Variants in NRXN3 observed in about 807,000 individuals in gnomAD.
The protein encoded by NRXN3 is neurexin III.
A neutral mutation model predicts 137.6 loss-of-function variants in NRXN3; 32 were observed. The observed-to-expected ratio is 0.23, with a 90% CI of 0.18 to 0.31. The LOEUF (loss-of-function observed/expected upper bound fraction) is 0.31, where lower values mean the gene tolerates loss of function less well. Ranked by LOEUF, NRXN3 falls within the 10% of genes least tolerant of loss-of-function variation. NRXN3 has a pLI of 1.00. For synonymous variants in NRXN3, 798 were observed against 784.5 expected, an observed-to-expected ratio of 1.02 and a Z score of -0.29; for missense variants, 1,574 against 2,062.5, an observed-to-expected ratio of 0.76 and a Z score of 4.59.
chr14:79,341,559 G>A (rs1026400373), intron 15 of NRXN3, among the ~76,000 whole-genome samples: 7 of 152,140 alleles, frequency 4.6e-5, no homozygotes, highest in Non-Finnish European at 1.0e-4. Flanking sequence ...TAAAGTTTCA[G>A]GAGCTCTGCT....
intron 4 of NRXN3, among the ~76,000 whole-genome samples, chr14:78,492,197 G>A (rs2095681419): frequency 6.6e-6 from 1 of 152,174 alleles, no homozygotes; most frequent in Non-Finnish European, 1.5e-5. Context: ...TTACTTTCCA[G>A]TTATCCAAGG....
At chr14:78,279,684 T>G (rs898113185) in intron 3 of NRXN3, 2 of 152,196 alleles carry the variant, frequency 1.3e-5, no homozygotes, top group Non-Finnish European at 2.9e-5. Flanking sequence ...CTTCTGACTC[T>G]CCATTGGAAC....
At chr14:79,439,538 A>G (rs919523039) in intron 15 of NRXN3, among the ~76,000 whole-genome samples, 5 of 152,112 alleles carry the variant, frequency 3.3e-5, no homozygotes, top group Non-Finnish European at 7.4e-5. Flanking sequence ...GAAAATCAAA[A>G]CCAAAAGGTA....
intron 19 of NRXN3, among the ~76,000 whole-genome samples, chr14:79,708,274 T>G (rs1158568617): frequency 3.3e-5 from 5 of 152,196 alleles, no homozygotes; most frequent in Non-Finnish European, 5.9e-5. Context: ...ACATTGTAAG[T>G]AACCTAGAGA....
At chr14:78,630,597 C>CTTTTTTTTTTTTT (rs370862037) in intron 4 of NRXN3, among the ~76,000 whole-genome samples, 27 of 127,784 alleles carry the variant, frequency 2.1e-4, no homozygotes, top group African/African-American at 2.6e-4. Flanking sequence ...TTCTTTCTTT[C>CTTTTTTTTTTTTT]TTTTTTTTTT....
chr14:78,457,698 G>A (rs937660187), intron 4 of NRXN3, among the ~76,000 whole-genome samples: 4 of 152,244 alleles, frequency 2.6e-5, no homozygotes, highest in African/African-American at 9.6e-5. Context: ...TTATATATAT[G>A]TATATGGTGT....
intron 15 of NRXN3, among the ~76,000 whole-genome samples, chr14:79,419,952 G>C (rs957392499): frequency 2.6e-5 from 4 of 152,114 alleles, no homozygotes; most frequent in Non-Finnish European, 5.9e-5. Flanking sequence ...GGCAGGACAT[G>C]ACAACTGTCA....
At chr14:78,609,952 A>G (rs2097285797) in intron 4 of NRXN3, among the ~76,000 whole-genome samples, 1 of 151,972 alleles carries the variant, frequency 6.6e-6, no homozygotes, top group Admixed American at 6.6e-5. Flanking sequence ...GGGATCCTTG[A>G]AGAAGTGAAT....
intron 16 of NRXN3, among the ~76,000 whole-genome samples, chr14:79,651,893 C>G (rs767752054): frequency 2.0e-5 from 3 of 152,178 alleles, no homozygotes; most frequent in Non-Finnish European, 4.4e-5. Context: ...GACTCTAGAT[C>G]TTTCTGACAT....
At chr14:78,403,852 G>A (rs1054437488) in intron 4 of NRXN3, 3 of 985,168 alleles carry the variant, frequency 3.0e-6, no homozygotes, top group East Asian at 2.3e-4. Flanking sequence ...TTCCATTCCT[G>A]CAGTGAAATT....
intron 15 of NRXN3, among the ~76,000 whole-genome samples, chr14:79,103,184 G>A (rs1436189370): frequency 2.0e-5 from 3 of 152,146 alleles, no homozygotes; most frequent in Non-Finnish European, 4.4e-5. Context: ...CAATGGGTTG[G>A]CCCAGGTGGA....
chr14:79,547,335 G>GAATA (rs1331082270), intron 16 of NRXN3, among the ~76,000 whole-genome samples: 2 of 152,116 alleles, frequency 1.3e-5, no homozygotes, highest in Non-Finnish European at 2.9e-5. Flanking sequence ...AAAATGAAGA[G>GAATA]AATACATTGT....
intron 15 of NRXN3, among the ~76,000 whole-genome samples, chr14:79,170,676 C>T (rs1256224243): frequency 1.3e-5 from 2 of 152,060 alleles, no homozygotes; most frequent in East Asian, 3.9e-4. Flanking sequence ...TCGACTTTTC[C>T]CTGCTCTAGA....
intron 10 of NRXN3, among the ~76,000 whole-genome samples, chr14:78,889,283 G>A (rs1435057409): frequency 1.3e-5 from 2 of 151,824 alleles, no homozygotes; most frequent in African/African-American, 4.8e-5. Context: ...CTCTTCACTG[G>A]GGAAATGTCT....
Position 79,284,081 on chromosome 14 carries a change from G to A in NRXN3, c.3263-183140G>A, listed in dbSNP as rs113502453. Among the ~76,000 whole-genome samples the A allele has an allele frequency of 5.9e-5, 9 of 151,828 alleles. No individual in the cohort carries two copies. In the South Asian group the frequency reaches 6.3e-4, roughly 11 times the overall value. Reference sequence around the variant, plus strand: ...TTTTATCAAAGTGCAAGGTAGTTTAGTGATTACAGATATATAAATAGTAAA... The same window carrying A: ...TTTTATCAAAGTGCAAGGTAGTTTAATGATTACAGATATATAAATAGTAAA... On this transcript the variant is annotated intron_variant, in intron 15 of 20. Coordinates refer to ENST00000335750, the MANE Select transcript of NRXN3 (RefSeq NM_001330195.2).
intron 15 of NRXN3, among the ~76,000 whole-genome samples, chr14:79,206,728 T>A (rs933074847): frequency 6.6e-6 from 1 of 152,212 alleles, no homozygotes; most frequent in Non-Finnish European, 1.5e-5. Flanking sequence ...TGTCTCTTTT[T>A]TAGAATTTTT....
intron 4 of NRXN3, among the ~76,000 whole-genome samples, chr14:78,566,418 A>G (rs2096836564): frequency 6.6e-6 from 1 of 151,564 alleles, no homozygotes; most frequent in Non-Finnish European, 1.5e-5. Flanking sequence ...TTTTCCTTCA[A>G]GTTTTCCATG....
At chr14:78,612,260 CT>C (rs2097306757) in intron 4 of NRXN3, among the ~76,000 whole-genome samples, 1 of 152,164 alleles carries the variant, frequency 6.6e-6, no homozygotes, top group African/African-American at 2.4e-5. Flanking sequence ...CTGGAAAGAT[CT>C]GAGATCAAGT....
intron 8 of NRXN3, among the ~76,000 whole-genome samples, chr14:78,729,822 G>A (rs2098506166): frequency 6.6e-6 from 1 of 152,160 alleles, no homozygotes. Context: ...CATCGGCTAT[G>A]TATCCCCAGT....
Sources: gnomAD v4.1 joint callset for allele counts (sites outside exome capture counted in the v4.1 genomes callset) on GRCh38, gnomAD v4.1.1 for gene constraint, MANE v1.5 for transcripts, NCBI Gene and HGNC (gene_info 2026-07-23, HGNC 2026-07-21) for gene names.